Variants in ABCA3 observed in about 807,000 individuals in gnomAD.
ABCA3 encodes phospholipid-transporting ATPase ABCA3.
In ABCA3, 88 loss-of-function variants were observed where a neutral mutation model predicts 172.8. That is an observed-to-expected ratio of 0.51 (90% CI 0.43 to 0.61). ABCA3 has a LOEUF of 0.61. Among genes scored for constraint, ABCA3 ranks in the 20% least tolerant of loss-of-function variants. ABCA3 has a pLI of 0.00. For synonymous variants in ABCA3, 1,066 were observed against 983.8 expected (o/e 1.08, Z -1.56); for missense variants, 2,164 against 2,301.0 (o/e 0.94, Z 1.22).
In ABCA3 at chr16:2,284,496, ACGGGCCTGGTCAGGG is replaced by A. The variant is rs1482722361; in HGVS notation, c.3704-74_3704-60del. 2 of 1,603,812 alleles carry A rather than the reference ACGGGCCTGGTCAGGG, an allele frequency of 1.2e-6. No homozygotes were observed. The highest frequency in any genetic ancestry group is 2.2e-5 in the South Asian group (2 of 90,644). ...AGGGCACACCACACCCACCTCCAGG[ACGGGCCTGGTCAGGG>A]CGGGCACAGGGCCTTATCCGTGCTG... is the stretch of plus-strand genomic sequence containing the variant. On this transcript the variant is annotated intron_variant, in intron 24 of 32. Transcript: ENST00000301732. This position sits in a 1 kb window ranked among gnomAD's most constrained non-coding sequence, Gnocchi z 5.9.
At chr16:2,310,974 T>C (rs1456071635) in intron 10 of ABCA3, among the ~76,000 whole-genome samples, 1 of 151,786 alleles carries the variant, frequency 6.6e-6, no homozygotes, top group Non-Finnish European at 1.5e-5. Flanking sequence ...TTCTTTTCTT[T>C]TCTTTTTTTT....
rs556637425 is a variant in ABCA3 at position 2,308,454 on chromosome 16, C to T, written c.1281G>A (p.Ala427=). Reference sequence around the variant, plus strand: ...CTGGACAAGGCAAACACTCACCTTTCGCCTCAAATTTCCCAATGAGCTGGG... The same window carrying T: ...CTGGACAAGGCAAACACTCACCTTTTGCCTCAAATTTCCCAATGAGCTGGG... The part of the protein sequence containing the change: ...MGAQLIGKFE[A]KGMGIQWRDL... The change falls in exon 11 of 33, where the codon GCG becomes GCA. Residue 427 remains alanine (A), a synonymous_variant. Coordinates refer to ENST00000301732, the MANE Select transcript of ABCA3 (RefSeq NM_001089.3). 42 of 1,614,144 alleles carry T rather than the reference C, an allele frequency of 2.6e-5. No individual in the cohort carries two copies. In the East Asian group the frequency reaches 4.9e-4, roughly 19 times the overall value.
chr16:2,281,292 G>A lies in ABCA3; in HGVS notation c.4165-71C>T, dbSNP rs2093654747. Reference sequence around the variant, plus strand: ...AAAGCAGAGCAGTCTGAGCCTCAGCGCCGAAAGCTTCCAGGGATGGGGTCG... The same window carrying A: ...AAAGCAGAGCAGTCTGAGCCTCAGCACCGAAAGCTTCCAGGGATGGGGTCG... On this transcript the variant is annotated intron_variant, in intron 27 of 32. Coordinates refer to ENST00000301732, the MANE Select transcript of ABCA3 (RefSeq NM_001089.3). This position sits in a 1 kb window ranked among gnomAD's most constrained non-coding sequence, Gnocchi z 4.7. The A allele has an allele frequency of 2.5e-6, 4 of 1,613,002 alleles. No homozygotes were observed. Among genetic ancestry groups the A allele is most frequent in the East Asian group, 2.2e-5 (1 of 44,884 alleles).
At position 2,299,447 on chromosome 16, in the gene ABCA3, C is replaced by A; in HGVS notation, c.1697G>T (p.Gly566Val). 6.2e-7 allele frequency: 1 copy of A among 1,613,832 alleles called. No individual in the cohort carries two copies. The highest frequency in any genetic ancestry group is 8.5e-7 in the Non-Finnish European group (1 of 1,179,990). Residue 566 changes from glycine to valine, a missense_variant, in exon 14 of 33, where the codon GGC becomes GTC. Physicochemically the swap from Gly to Val is moderately radical, Grantham distance 109. This residue lies in a region of ABCA3 where 1,343 missense variants were observed against 1,369.6 expected (regional missense o/e 0.98). Coordinates refer to ENST00000301732, the MANE Select transcript of ABCA3 (RefSeq NM_001089.3). ...GGTGGTCTTCCCGGCACCGTTGTGG[C>A]CCAGCAGGACGGTGATCTGTCCCTC... ...LYEGQITVLLGHNGAGKTTTL... is the reference protein window; with the variant it reads ...LYEGQITVLLVHNGAGKTTTL...
At chr16:2,293,026 AG>A (rs2141702843) in intron 18 of ABCA3, among the ~76,000 whole-genome samples, 1 of 152,270 alleles carries the variant, frequency 6.6e-6, no homozygotes, top group African/African-American at 2.4e-5. Context: ...CAGGGGCCAC[AG>A]GAGGTTAATT....
At chr16:2,337,960 T>C (rs1290611663) in intron 1 of ABCA3, among the ~76,000 whole-genome samples, 2 of 152,214 alleles carry the variant, frequency 1.3e-5, no homozygotes, top group African/African-American at 4.8e-5. Context: ...AGAGACGTGG[T>C]TCCAAAGGGA....
chr16:2,338,348 C>G (rs111989552), intron 1 of ABCA3, among the ~76,000 whole-genome samples: 2 of 152,334 alleles, frequency 1.3e-5, no homozygotes, highest in Non-Finnish European at 2.9e-5. Context: ...AGAATATCAC[C>G]CGGATACCTT....
Position 2,289,499 on chromosome 16 carries a change from C to A in ABCA3, c.2635G>T (p.Asp879Tyr), listed in dbSNP as rs1484410253. 6.3e-7 allele frequency: 1 copy of A among 1,591,352 alleles called. No homozygotes were observed. Among genetic ancestry groups the A allele is most frequent in the African/African-American group, 1.3e-5 (1 of 74,884 alleles). The change falls in exon 20 of 33, where the codon GAC (aspartate) becomes TAC (tyrosine). Residue 879 changes from aspartate to tyrosine, a missense_variant. This residue lies in a region of ABCA3 where 1,343 missense variants were observed against 1,369.6 expected (regional missense o/e 0.98). Coordinates refer to ENST00000301732, the MANE Select transcript of ABCA3 (RefSeq NM_001089.3). The part of the protein sequence containing the change: ...AVDSNLCGAM[D>Y]PSDGIGALIE... ...AGGGCTCCAATGCCGTCGGAGGGGT[C>A]CATGGCCCCACAGAGGTTGCTGTCC...
intron 7 of ABCA3, among the ~76,000 whole-genome samples, chr16:2,320,406 T>G (rs1181030774): frequency 6.7e-6 from 1 of 149,416 alleles, no homozygotes; most frequent in Non-Finnish European, 1.5e-5. Context: ...CCTTTTTTTT[T>G]TTTGAGACAG....
chr16:2,319,501 T>G, intron 8 of ABCA3, 80 bp downstream of exon 8: 1 of 1,493,950 alleles, frequency 6.7e-7, no homozygotes, highest in East Asian at 2.3e-5. Flanking sequence ...AAAAAAATAC[T>G]AAAACACCAA....
At chr16:2,334,488 T>C (rs1202802213) in intron 1 of ABCA3, among the ~76,000 whole-genome samples, 1 of 151,860 alleles carries the variant, frequency 6.6e-6, no homozygotes, top group Non-Finnish European at 1.5e-5. Flanking sequence ...CAATGGATCC[T>C]GTGGATGAAA....
rs1165006472 is a variant in ABCA3, at chr16:2,303,338, T to C, written c.1467+631A>G. Among the ~76,000 whole-genome samples, 8 of 151,290 alleles carry C rather than the reference T, an allele frequency of 5.3e-5. 1 individual carries two copies. In the Middle Eastern group the frequency reaches 0.01, roughly 193 times the overall value. On this transcript the variant is annotated intron_variant, in intron 12 of 32. Coordinates refer to ENST00000301732, the MANE Select transcript of ABCA3 (RefSeq NM_001089.3). Reference sequence around the variant, plus strand: ...GTGCAATGGCGCGATCTTGGCTCACTGCAAGCTCCGCCTCCCAGGTTCATG... The same window carrying C: ...GTGCAATGGCGCGATCTTGGCTCACCGCAAGCTCCGCCTCCCAGGTTCATG...
At position 2,279,050 on chromosome 16, in the gene ABCA3, G is replaced by GTA; in HGVS notation, c.4438_4439dup (p.Ala1481ThrfsTer44). The GTA allele has an allele frequency of 6.2e-7, 1 of 1,613,350 alleles. No homozygotes were observed. Among genetic ancestry groups the GTA allele is most frequent in the Non-Finnish European group, 8.5e-7 (1 of 1,180,028 alleles). On this transcript the variant is annotated frameshift_variant, in exon 29 of 33. Transcript: ENST00000301732. LOFTEE classifies it high-confidence loss of function. The surrounding 1 kb of genome is among the most constrained non-coding windows in gnomAD (Gnocchi z 4.4). ...GCTCAGGGATGCCCCGGAGCCGAGC[G>GTA]TACATGACCAGCATCTCCCGGCCTG...
rs772785502 is a variant in ABCA3, at chr16:2,324,467, G to C, written c.384C>G (p.Ser128Arg). 1 of 1,610,066 alleles carries C rather than the reference G, an allele frequency of 6.2e-7. No individual in the cohort carries two copies. Among genetic ancestry groups the C allele is most frequent in the Non-Finnish European group, 8.5e-7 (1 of 1,179,872 alleles). The change falls in exon 6 of 33, where the codon AGC (serine) becomes AGG (arginine). Residue 128 changes from serine to arginine, a missense_variant. Ser to Arg is a moderately radical substitution (Grantham distance 110, BLOSUM62 -1). Transcript: ENST00000301732. Reference protein sequence around the residue: ...DYIRYDNCSSSVLAAVVFEHP... With the variant: ...DYIRYDNCSSRVLAAVVFEHP... ...GCTCGAAGACCACGGCGGCCAGCACGCTGGACGAGCAGTTGTCGTACCTAA... is the reference window on the plus strand; with the variant it reads ...GCTCGAAGACCACGGCGGCCAGCACCCTGGACGAGCAGTTGTCGTACCTAA...
chr16:2,289,399 T>TCCCCCCC (rs1301735807), intron 20 of ABCA3, 35 bp downstream of exon 20: 123 of 1,544,012 alleles, frequency 8.0e-5, no homozygotes, highest in Middle Eastern at 2.1e-4. Context: ...TGCTCGCCCT[T>TCCCCCCC]CCCCCGCCAC....
intron 2 of ABCA3, 117 bp downstream of exon 2, chr16:2,329,531 A>G (rs1393356748): frequency 6.6e-6 from 1 of 152,266 alleles, no homozygotes; most frequent in Non-Finnish European, 1.5e-5. Flanking sequence ...TGGCCAAGAA[A>G]GGAAAGATCC....
rs891100737 is a variant in ABCA3 at position 2,297,610 on chromosome 16, G to A, written c.2053-71C>T. 9 of 1,596,798 alleles carry A rather than the reference G, an allele frequency of 5.6e-6. No homozygotes were observed. The South Asian group carries it at 8.8e-5, about 16-fold the overall frequency. On this transcript the variant is annotated intron_variant, in intron 16 of 32. Transcript: ENST00000301732. This position sits in a 1 kb window ranked among gnomAD's most constrained non-coding sequence, Gnocchi z 5.6. The stretch of plus-strand genomic sequence containing the variant: ...CGGGCCCAGGCTGGCCTTGCGGTAG[G>A]CCCCATCGAGGGGTTCGCGGAGCCG...
chr16:2,282,050 A>G (rs539661655), intron 26 of ABCA3, among the ~76,000 whole-genome samples: 1 of 152,288 alleles, frequency 6.6e-6, no homozygotes, highest in African/African-American at 2.4e-5. Context: ...TTGGCCTCCC[A>G]AAGTGTTGGG....
At chr16:2,289,258 A>T in intron 20 of ABCA3, 176 bp downstream of exon 20, 1 of 715,384 alleles carries the variant, frequency 1.4e-6, no homozygotes, top group Non-Finnish European at 2.3e-6. Context: ...CTCCATTCAA[A>T]CGCTTCTCCC....
Sources: gnomAD v4.1 joint callset for allele counts (sites outside exome capture counted in the v4.1 genomes callset) on GRCh38, gnomAD v4.1.1 for gene constraint, gnomAD v4.1.1 regional missense constraint, Gnocchi (gnomAD v3.1) non-coding constraint, MANE v1.5 for transcripts, NCBI Gene and HGNC (gene_info 2026-07-23, HGNC 2026-07-21) for gene names.